The following GRIK4 variants were observed in gnomAD, a reference collection of about 807,000 sequenced individuals.
GRIK4 encodes the protein glutamate ionotropic receptor kainate type subunit 4, also known as glutamate receptor ionotropic, kainate 4.
Under a neutral mutation model 104.9 loss-of-function variants are expected in GRIK4, and 40 were observed. That is an observed-to-expected ratio of 0.38 (90% CI 0.30 to 0.50). The LOEUF (loss-of-function observed/expected upper bound fraction) is 0.50. GRIK4 is among the 20% of genes least tolerant of loss of function. GRIK4 has a pLI of 0.93. For missense variants in GRIK4, 1,047 were observed against 1,308.1 expected, an observed-to-expected ratio of 0.80 and a Z score of 3.08; for synonymous variants, 485 against 524.9, an observed-to-expected ratio of 0.92 and a Z score of 1.04.
chr11:120,736,717 G>T (rs1325282178), intron 3 of GRIK4, among the ~76,000 whole-genome samples: 1 of 152,038 alleles, frequency 6.6e-6, no homozygotes, highest in Non-Finnish European at 1.5e-5. Context: ...GAAGAGGTAA[G>T]GTTGTAGATC....
chr11:120,552,344 T>G (rs965053994), intron 1 of GRIK4, among the ~76,000 whole-genome samples: 10 of 152,142 alleles, frequency 6.6e-5, no homozygotes, highest in Admixed American at 6.5e-5. Flanking sequence ...CACAGAAGTC[T>G]TCTGTGTTGG....
intron 8 of GRIK4, among the ~76,000 whole-genome samples, chr11:120,860,966 T>C (rs971860030): frequency 2.0e-5 from 3 of 152,094 alleles, no homozygotes; most frequent in Non-Finnish European, 4.4e-5. Flanking sequence ...GGCCCCCTTG[T>C]ATCCAGTGTG....
chr11:120,898,667 T>C, intron 12 of GRIK4, 28 bp downstream of exon 12: 1 of 1,299,296 alleles, frequency 7.7e-7, no homozygotes, highest in Non-Finnish European at 1.1e-6. Context: ...GGCTCCCAGC[T>C]GCAGCATCCT....
chr11:120,708,154 C>A (rs1321481891), intron 3 of GRIK4, among the ~76,000 whole-genome samples: 1 of 152,008 alleles, frequency 6.6e-6, no homozygotes, highest in Non-Finnish European at 1.5e-5. Context: ...GAAGGAATGG[C>A]CATATTTTGA....
intron 1 of GRIK4, among the ~76,000 whole-genome samples, chr11:120,592,244 A>G (rs1270529086): frequency 6.6e-6 from 1 of 152,242 alleles, no homozygotes; most frequent in East Asian, 1.9e-4. Flanking sequence ...TGCCAATTAC[A>G]GATCCTTCTG....
chr11:120,518,640 T>C (rs1415940748), intron 1 of GRIK4, among the ~76,000 whole-genome samples: 1 of 152,070 alleles, frequency 6.6e-6, no homozygotes, highest in Non-Finnish European at 1.5e-5. Context: ...TTTAAATATT[T>C]TGAGATGGAG....
chr11:120,721,223 T>C (rs1330880676), intron 3 of GRIK4, among the ~76,000 whole-genome samples: 1 of 152,176 alleles, frequency 6.6e-6, no homozygotes, highest in African/African-American at 2.4e-5. Context: ...ATCTCTAAGC[T>C]GTCAGCTAGT....
At chr11:120,832,749 G>A (rs1308972270) in intron 7 of GRIK4, among the ~76,000 whole-genome samples, 1 of 152,194 alleles carries the variant, frequency 6.6e-6, no homozygotes, top group African/African-American at 2.4e-5. Flanking sequence ...AGAACTCTGT[G>A]AGTGAGGCTG....
rs1948363065 is a variant in GRIK4 at position 120,568,861 on chromosome 11, T to TA, written c.-159+56981dup. Among the ~76,000 whole-genome samples the TA allele has an allele frequency of 4.6e-5, 7 of 152,170 alleles. No homozygotes were observed. In the South Asian group the frequency reaches 1.5e-3, roughly 32 times the overall value. On this transcript the variant is annotated intron_variant, in intron 1 of 20. Transcript: ENST00000527524. ...GAGGAAATGAGCAAAGCCCTTCTGTTAAAAAAAGAAGACAAAAATATGTAA... is the reference window on the plus strand; with the variant it reads ...GAGGAAATGAGCAAAGCCCTTCTGTTAAAAAAAAGAAGACAAAAATATGTAA...
chr11:120,967,703 A>G lies in GRIK4; in HGVS notation c.2395+380A>G, dbSNP rs1170757506. 1.3e-5 allele frequency among the ~76,000 whole-genome samples: 2 copies of G among 152,120 alleles called. No individual in the cohort carries two copies. The highest frequency in any genetic ancestry group is 2.9e-5 in the Non-Finnish European group (2 of 68,026). On this transcript the variant is annotated intron_variant, in intron 19 of 20. Transcript: ENST00000527524. This position sits in a 1 kb window ranked among gnomAD's most constrained non-coding sequence, Gnocchi z 4.2. The stretch of plus-strand genomic sequence containing the variant: ...ATATTCTCCGCTACTAGCCAGAGTG[A>G]TCCTTTTTAAAAATGCAAACTCGAT...
chr11:120,580,073 G>A (rs991396235), intron 1 of GRIK4, among the ~76,000 whole-genome samples: 3 of 152,090 alleles, frequency 2.0e-5, no homozygotes, highest in South Asian at 2.1e-4. Flanking sequence ...TTTTATTGCT[G>A]GATAGTATTC....
chr11:120,874,294 C>T (rs768789994), intron 10 of GRIK4, 76 bp downstream of exon 10: 17 of 1,191,174 alleles, frequency 1.4e-5, no homozygotes, highest in Non-Finnish European at 2.0e-5. Flanking sequence ...GTACAAGAGT[C>T]CCTCAACTCC....
chr11:120,722,213 A>T (rs972306073), intron 3 of GRIK4, among the ~76,000 whole-genome samples: 5 of 152,170 alleles, frequency 3.3e-5, no homozygotes, highest in African/African-American at 1.2e-4. Context: ...AAAATTAAAA[A>T]TTTCTTGTGT....
intron 19 of GRIK4, among the ~76,000 whole-genome samples, chr11:120,973,936 C>G (rs957034611): frequency 6.7e-6 from 1 of 149,778 alleles, no homozygotes; most frequent in Non-Finnish European, 1.5e-5. Context: ...GAGACAGATT[C>G]TCATCCTGTT....
At chr11:120,869,349 G>A (rs1954529543) in intron 9 of GRIK4, 1 of 152,412 alleles carries the variant, frequency 6.6e-6, no homozygotes. Flanking sequence ...GAGCCTACGG[G>A]GGACACGTCA....
intron 2 of GRIK4, among the ~76,000 whole-genome samples, chr11:120,655,440 G>T (rs1347130394): frequency 6.6e-6 from 1 of 152,120 alleles, no homozygotes; most frequent in Non-Finnish European, 1.5e-5. Flanking sequence ...TCATGGGAGG[G>T]TTTATCCATT....
intron 3 of GRIK4, among the ~76,000 whole-genome samples, chr11:120,798,233 A>G (rs980819874): frequency 2.1e-5 from 3 of 143,010 alleles, no homozygotes; most frequent in African/African-American, 8.0e-5. Flanking sequence ...CAGTGGCACA[A>G]TCTCGGCTCA....
chr11:120,735,342 A>G (rs1951202245), intron 3 of GRIK4, among the ~76,000 whole-genome samples: 1 of 152,212 alleles, frequency 6.6e-6, no homozygotes, highest in Admixed American at 6.5e-5. Context: ...TATCTGGATT[A>G]CTAGGCAGAG....
chr11:120,962,591 A>G lies in GRIK4; in HGVS notation c.2176A>G (p.Met726Val), dbSNP rs1424103775. Residue 726 changes from methionine (M) to valine (V), a missense_variant, in exon 18 of 21, where the codon ATG (methionine) becomes GTG (valine). Met to Val is a conservative substitution (Grantham distance 21, BLOSUM62 1). Coordinates refer to ENST00000527524, the MANE Select transcript of GRIK4 (RefSeq NM_014619.5). ...SNYAFLLEST[M>V]NEYYRQRNCN... ...CTACGCCTTCCTCCTGGAATCCACC[A>G]TGAACGAGTACTATCGGCAGCGAAA... 3.7e-6 allele frequency: 6 copies of G among 1,614,048 alleles called. No homozygotes were observed. The highest frequency in any genetic ancestry group is 4.2e-6 in the Non-Finnish European group (5 of 1,180,018).
Sources: allele counts gnomAD v4.1 joint callset (sites outside exome capture counted in the v4.1 genomes callset), GRCh38; gene constraint gnomAD v4.1.1; non-coding constraint Gnocchi (gnomAD v3.1); transcripts MANE v1.5; gene names NCBI Gene and HGNC (gene_info 2026-07-23, HGNC 2026-07-21).